BEND3: variants seen among roughly 807,000 people sequenced by gnomAD.
BEND3 encodes BEN domain containing 3.
In BEND3, 13 loss-of-function variants were observed where a neutral mutation model predicts 60.1. That is an observed-to-expected ratio of 0.22 (90% confidence interval 0.14 to 0.34). The LOEUF (loss-of-function observed/expected upper bound fraction) is 0.34. Among genes scored for constraint, BEND3 ranks in the 10% least tolerant of loss-of-function variants. The pLI, the probability that BEND3 is intolerant of heterozygous loss-of-function variation, is 1.00. For missense variants in BEND3, 896 were observed against 1,138.1 expected (o/e 0.79, Z 3.06); for synonymous variants, 497 against 491.5 (o/e 1.01, Z -0.15).
At chr6:107,111,582 T>A (rs1317321080) in intron 1 of BEND3, among the ~76,000 whole-genome samples, 2 of 152,076 alleles carry the variant, frequency 1.3e-5, no homozygotes, top group Admixed American at 1.3e-4. Flanking sequence ...AGAATAGGTT[T>A]CCCATTCCAA....
Position 107,069,708 on chromosome 6 carries a change from G to A in BEND3, c.1483C>T (p.Arg495Cys), listed in dbSNP as rs1554231571. The A allele has an allele frequency of 3.1e-6, 5 of 1,610,424 alleles. No individual in the cohort carries two copies. Among genetic ancestry groups the A allele is most frequent in the East Asian group, 2.2e-5 (1 of 44,866 alleles). ...CTGGAGGAGTCGTAGCAGTCATCAC[G>A]CGGGGGGTCGCCTTCACTGCCCGCG... The part of the protein sequence containing the change: ...LDAGSEGDPP[R>C]DDCYDSSSLP... Residue 495 changes from arginine (R) to cysteine (C), a missense_variant, in exon 4 of 4, where the codon CGT (arginine) becomes TGT (cysteine). Coordinates refer to ENST00000369042, the MANE Select transcript of BEND3 (RefSeq NM_001367314.1).
Position 107,115,396 on chromosome 6 carries a change from C to A in BEND3, c.-318G>T, listed in dbSNP as rs1351448838. The A allele has an allele frequency of 4.0e-5, 6 of 149,152 alleles. No homozygotes were observed. The highest frequency in any genetic ancestry group is 3.0e-5 in the Non-Finnish European group (2 of 66,894). 9.2% of individuals were successfully genotyped at this position (149,152 alleles called of 1,614,324 possible). ...GCCCCCACCCCCGGCCCGCCCCTCC[C>A]CCTCAGCGGGGCACACGCGGGACCG... On this transcript the variant is annotated 5_prime_UTR_variant, in exon 1 of 4. Coordinates refer to ENST00000369042, the MANE Select transcript of BEND3 (RefSeq NM_001367314.1).
intron 3 of BEND3, among the ~76,000 whole-genome samples, chr6:107,089,961 A>C (rs1775440367): frequency 6.6e-6 from 1 of 152,188 alleles, no homozygotes; most frequent in South Asian, 2.1e-4. Flanking sequence ...AATAGAAAAA[A>C]TAATCCTAAA....
chr6:107,077,373 C>T (rs1331457828), intron 3 of BEND3, among the ~76,000 whole-genome samples: 1 of 151,498 alleles, frequency 6.6e-6, no homozygotes, highest in East Asian at 1.9e-4. Flanking sequence ...TTCTGACCTG[C>T]TCTGTTTCTG....
chr6:107,083,845 C>A (rs966375335), intron 3 of BEND3, among the ~76,000 whole-genome samples: 1 of 152,022 alleles, frequency 6.6e-6, no homozygotes, highest in Non-Finnish European at 1.5e-5. Context: ...TCCCAACACT[C>A]TGGGAGGCCG....
At chr6:107,113,336 G>T (rs1484389302) in intron 1 of BEND3, among the ~76,000 whole-genome samples, 2 of 151,252 alleles carry the variant, frequency 1.3e-5, no homozygotes, top group East Asian at 3.9e-4. Flanking sequence ...ACTCCGTGAG[G>T]CTGAGGCAGG....
chr6:107,109,322 T>C (rs1410690193), intron 1 of BEND3, among the ~76,000 whole-genome samples: 1 of 150,760 alleles, frequency 6.6e-6, no homozygotes, highest in Non-Finnish European at 1.5e-5. Flanking sequence ...CACGGGCCTG[T>C]AATCCCAGCT....
In BEND3 at chr6:107,069,700, G is replaced by T; in HGVS notation, c.1491C>A (p.Asp497Glu). Residue 497 changes from aspartate (D) to glutamate (E), a missense_variant, in exon 4 of 4, where the codon GAC (aspartate) becomes GAA (glutamate). Asp to Glu is a conservative substitution (Grantham distance 45). Transcript: ENST00000369042. ...AGSEGDPPRDDCYDSSSLPDD... is the reference protein window; with the variant it reads ...AGSEGDPPRDECYDSSSLPDD... ...CGGGCAGACTGGAGGAGTCGTAGCA[G>T]TCATCACGCGGGGGGTCGCCTTCAC... The T allele has an allele frequency of 6.2e-7, 1 of 1,610,218 alleles. No homozygotes were observed.
Position 107,067,463 on chromosome 6 carries a change from G to C in BEND3, c.*1241C>G, listed in dbSNP as rs1175852374. On this transcript the variant is annotated 3_prime_UTR_variant, in exon 4 of 4. Coordinates refer to ENST00000369042, the MANE Select transcript of BEND3 (RefSeq NM_001367314.1). The stretch of plus-strand genomic sequence containing the variant: ...TGCAGGAGCCTGACATTCCCAGTCG[G>C]GAGGGAACGAAGACATGTGCCCCCC... The C allele has an allele frequency of 6.6e-6, 1 of 152,274 alleles. No homozygotes were observed. Among genetic ancestry groups the C allele is most frequent in the South Asian group, 2.1e-4 (1 of 4,836 alleles). 9.4% of individuals were successfully genotyped at this position (152,274 alleles called of 1,614,324 possible).
chr6:107,108,588 C>T (rs1443096146), intron 1 of BEND3, among the ~76,000 whole-genome samples: 1 of 152,026 alleles, frequency 6.6e-6, no homozygotes, highest in Non-Finnish European at 1.5e-5. Context: ...TGGGTGTATA[C>T]TGCACCCCCA....
intron 3 of BEND3, among the ~76,000 whole-genome samples, chr6:107,086,068 T>C (rs1415038383): frequency 6.6e-6 from 1 of 152,126 alleles, no homozygotes; most frequent in Non-Finnish European, 1.5e-5. Flanking sequence ...ATTACAGGCA[T>C]GAGCCACCGC....
In BEND3 at chr6:107,068,570, A is replaced by G; in HGVS notation, c.*134T>C. The G allele has an allele frequency of 5.1e-6, 5 of 971,774 alleles. No homozygotes were observed. The highest frequency in any genetic ancestry group is 7.5e-6 in the Non-Finnish European group (5 of 669,780). The allele number at this position is 971,774 out of a possible 1,614,324, so 60.2% of individuals were successfully genotyped here. A position where few individuals can be genotyped will look rare whatever the true frequency, so the allele number is the denominator to read the frequency against. Reference sequence around the variant, plus strand: ...GGTGGGTGTTTACGTGTGCAAATGTAGTAAGCCACTCCCCACGGACATAAG... The same window carrying G: ...GGTGGGTGTTTACGTGTGCAAATGTGGTAAGCCACTCCCCACGGACATAAG... On this transcript the variant is annotated 3_prime_UTR_variant, in exon 4 of 4. Transcript: ENST00000369042. The surrounding 1 kb of genome is among the most constrained non-coding windows in gnomAD (Gnocchi z 5.8).
intron 1 of BEND3, among the ~76,000 whole-genome samples, chr6:107,111,950 C>T (rs527919398): frequency 6.6e-6 from 1 of 150,512 alleles, no homozygotes; most frequent in East Asian, 1.9e-4. Context: ...CCACTGCACT[C>T]CAGCCTGGGC....
At chr6:107,089,303 TTTTA>T (rs1214939613) in intron 3 of BEND3, among the ~76,000 whole-genome samples, 1 of 151,988 alleles carries the variant, frequency 6.6e-6, no homozygotes, top group African/African-American at 2.4e-5. Flanking sequence ...CAACTAAAGA[TTTTA>T]TTTTTTTTCT....
At chr6:107,090,096 C>T (rs1554234933) in intron 3 of BEND3, among the ~76,000 whole-genome samples, 1 of 152,040 alleles carries the variant, frequency 6.6e-6, no homozygotes, top group African/African-American at 2.4e-5. Context: ...TGTTTGTAAT[C>T]CCAGCACTTT....
In BEND3 at chr6:107,069,506, C is replaced by T. The variant is rs1554231496; in HGVS notation, c.1685G>A (p.Ser562Asn). The change falls in exon 4 of 4, where the codon AGC becomes AAC. Residue 562 changes from serine to asparagine, a missense_variant. Ser to Asn is a conservative substitution (Grantham distance 46). Around this residue, in one of 4 missense-constraint regions of BEND3, gnomAD observed 846 missense variants for 1,036.7 expected, o/e 0.82. Transcript: ENST00000369042. ...GATGGACAGGCTGCTCTCGTAGATG[C>T]TGCGTAGCTGCTCCTTGCTGAGCAG... ...DCLLSKEQLR[S>N]IYESSLSIGN... 1 of 1,613,082 alleles carries T rather than the reference C, an allele frequency of 6.2e-7. No homozygotes were observed.
intron 3 of BEND3, among the ~76,000 whole-genome samples, chr6:107,081,041 A>G (rs887795125): frequency 7.2e-5 from 11 of 152,014 alleles, no homozygotes; most frequent in Admixed American, 6.6e-4. Flanking sequence ...TGCAGCCTCA[A>G]CCTCCCAGGA....
chr6:107,097,917 T>A (rs1373239810), intron 3 of BEND3, among the ~76,000 whole-genome samples: 1 of 152,054 alleles, frequency 6.6e-6, no homozygotes, highest in African/African-American at 2.4e-5. Flanking sequence ...CTCATCATTA[T>A]GCAAATTAAA....
At chr6:107,072,056 A>G (rs1205284051) in intron 3 of BEND3, among the ~76,000 whole-genome samples, 3 of 152,226 alleles carry the variant, frequency 2.0e-5, no homozygotes, top group Admixed American at 6.5e-5. Context: ...CAAATGTTGA[A>G]TTCGACCCAG....
Sources: allele counts gnomAD v4.1 joint callset (sites outside exome capture counted in the v4.1 genomes callset), GRCh38; gene constraint gnomAD v4.1.1; regional missense constraint gnomAD v4.1.1; non-coding constraint Gnocchi (gnomAD v3.1); transcripts MANE v1.5; gene names NCBI Gene and HGNC (gene_info 2026-07-23, HGNC 2026-07-21).